VPS35L: variants seen among roughly 807,000 people sequenced by gnomAD.
The protein encoded by VPS35L is VPS35 endosomal protein sorting factor like, also known as VPS35 endosomal protein-sorting factor-like.
In VPS35L, 83 loss-of-function variants were observed where a neutral mutation model predicts 133.0. The observed-to-expected ratio is 0.62, with a 90% confidence interval of 0.52 to 0.75. The LOEUF (loss-of-function observed/expected upper bound fraction) is 0.75. Among genes scored for constraint, VPS35L ranks in the 30% least tolerant of loss-of-function variants. The probability of loss-of-function intolerance (pLI) is 0.00; values close to 1 mark genes in which losing one functional copy is unlikely to be tolerated. For synonymous variants in VPS35L, 423 were observed against 449.9 expected, an observed-to-expected ratio of 0.94 and a Z score of 0.76; for missense variants, 1,083 against 1,206.8, an observed-to-expected ratio of 0.90 and a Z score of 1.52.
chr16:19,668,325 T>C (rs2151604453), intron 26 of VPS35L, among the ~76,000 whole-genome samples: 1 of 152,286 alleles, frequency 6.6e-6, no homozygotes, highest in East Asian at 1.9e-4. Flanking sequence ...ACCTTGAGGC[T>C]TTTTCTCACG....
intron 20 of VPS35L, among the ~76,000 whole-genome samples, chr16:19,638,246 GA>G (rs1326209558): frequency 3.9e-5 from 6 of 152,296 alleles, no homozygotes; most frequent in African/African-American, 1.4e-4. Context: ...AAGATTGTAA[GA>G]TTTTTTATTT....
chr16:19,658,208 G>T (rs1974366341), intron 26 of VPS35L, among the ~76,000 whole-genome samples: 1 of 152,148 alleles, frequency 6.6e-6, no homozygotes, highest in African/African-American at 2.4e-5. Context: ...GCCAAGCATT[G>T]TATGGGCAAC....
chr16:19,576,177 AAAAC>A lies in VPS35L; in HGVS notation c.433+1059_433+1062del, dbSNP rs1482222032. Among the ~76,000 whole-genome samples, 47 of 138,792 alleles carry A rather than the reference AAAAC, an allele frequency of 3.4e-4. 1 individual carries two copies. The highest frequency in any genetic ancestry group is 1.4e-3 in the African/African-American group (46 of 33,894). The allele number at this position is 138,792 out of a possible 152,430, so 91.1% of individuals were successfully genotyped here. ...CGAGACTCTGTCTCAAAAAAAAAAAAAAACAAAAAAAAAAAACAAAGAGGTTACT... is the reference window on the plus strand; with the variant it reads ...CGAGACTCTGTCTCAAAAAAAAAAAAAAAAAAAAAAAACAAAGAGGTTACT... On this transcript the variant is annotated intron_variant, in intron 5 of 30. Transcript: ENST00000417362.
intron 28 of VPS35L, among the ~76,000 whole-genome samples, chr16:19,689,029 C>T (rs940496794): frequency 2.0e-5 from 3 of 150,818 alleles, no homozygotes; most frequent in Non-Finnish European, 2.9e-5. Flanking sequence ...CCCCCTTACC[C>T]GGTGTCTCTT....
intron 14 of VPS35L, 106 bp downstream of exon 14, chr16:19,616,914 A>G: frequency 6.6e-7 from 1 of 1,512,952 alleles, no homozygotes; most frequent in Non-Finnish European, 9.1e-7. Context: ...CAGCTATAGC[A>G]ATGTTAGTGC....
intron 18 of VPS35L, 118 bp downstream of exon 18, chr16:19,629,938 T>TA: frequency 1.1e-6 from 1 of 887,530 alleles, no homozygotes; most frequent in South Asian, 1.6e-5. Context: ...TTGTAATTTA[T>TA]AAAAATTGCA....
At chr16:19,562,813 G>A (rs1380078997) in intron 1 of VPS35L, among the ~76,000 whole-genome samples, 1 of 151,890 alleles carries the variant, frequency 6.6e-6, no homozygotes, top group Non-Finnish European at 1.5e-5. Context: ...GGAGTGCAGT[G>A]GTGCGATTAT....
At chr16:19,559,257 A>C (rs1303646333) in intron 1 of VPS35L, among the ~76,000 whole-genome samples, 9 of 152,236 alleles carry the variant, frequency 5.9e-5, no homozygotes, top group Admixed American at 3.9e-4. Context: ...TTTAGTTAAA[A>C]TGCAGATCTG....
At chr16:19,626,063 T>C (rs1321766817) in intron 14 of VPS35L, 114 bp from the exon 15 acceptor site, 19 of 667,480 alleles carry the variant, frequency 2.8e-5, no homozygotes, top group Non-Finnish European at 4.0e-5. Context: ...GAGAATTATC[T>C]TAATGGACAT....
At chr16:19,589,242 A>AT (rs1971965311) in intron 7 of VPS35L, among the ~76,000 whole-genome samples, 1 of 151,960 alleles carries the variant, frequency 6.6e-6, no homozygotes, top group South Asian at 2.1e-4. Context: ...GGCTATTCAA[A>AT]TTTTTTTAAC....
chr16:19,657,759 G>A (rs1242912155), intron 26 of VPS35L, among the ~76,000 whole-genome samples: 3 of 152,184 alleles, frequency 2.0e-5, no homozygotes, highest in East Asian at 1.9e-4. Context: ...TCCTCTTCCT[G>A]GAGAGTCAAG....
At chr16:19,588,374 A>C (rs1432267889) in intron 7 of VPS35L, among the ~76,000 whole-genome samples, 1 of 148,350 alleles carries the variant, frequency 6.7e-6, no homozygotes, top group African/African-American at 2.5e-5. Flanking sequence ...TTTAGTAGAG[A>C]TGGGGTTTCA....
In VPS35L at chr16:19,650,392, G is replaced by A. The variant is rs749366802; in HGVS notation, c.2039G>A (p.Arg680Gln). The A allele has an allele frequency of 1.4e-5, 22 of 1,611,608 alleles. No homozygotes were observed. Among genetic ancestry groups the A allele is most frequent in the South Asian group, 1.2e-4 (11 of 91,016 alleles). Residue 680 changes from arginine (R) to glutamine (Q), a missense_variant, in exon 25 of 31, where the codon CGG becomes CAG. Transcript: ENST00000417362. Reference sequence around the variant, plus strand: ...TATTAATAAATTCAGAGTGTGAACCGGTTGGCAATGGAGACAAGAAAAGTA... The same window carrying A: ...TATTAATAAATTCAGAGTGTGAACCAGTTGGCAATGGAGACAAGAAAAGTA... Reference protein sequence around the residue: ...VLVQLIHSVNRLAMETRKVMK... With the variant: ...VLVQLIHSVNQLAMETRKVMK...
chr16:19,685,864 AT>A (rs1404567424), intron 28 of VPS35L, among the ~76,000 whole-genome samples: 1 of 152,126 alleles, frequency 6.6e-6, no homozygotes, highest in Admixed American at 6.6e-5. Flanking sequence ...AAGTGAGGCT[AT>A]CACAGGAGCA....
At chr16:19,602,548 C>G (rs1972419019) in intron 9 of VPS35L, among the ~76,000 whole-genome samples, 1 of 151,956 alleles carries the variant, frequency 6.6e-6, no homozygotes, top group African/African-American at 2.4e-5. Flanking sequence ...CCTCTCCCAC[C>G]CTCTCCTTTT....
chr16:19,571,368 C>T (rs1451560603), intron 3 of VPS35L, among the ~76,000 whole-genome samples: 1 of 151,982 alleles, frequency 6.6e-6, no homozygotes, highest in African/African-American at 2.4e-5. Context: ...AGGTGTGTGC[C>T]ACCGCACTCA....
intron 23 of VPS35L, among the ~76,000 whole-genome samples, chr16:19,645,812 C>G (rs1220652005): frequency 6.6e-6 from 1 of 152,198 alleles, no homozygotes; most frequent in Non-Finnish European, 1.5e-5. Flanking sequence ...AAGGTGTGTC[C>G]TGAAGCAGCT....
chr16:19,669,206 A>G lies in VPS35L; in HGVS notation c.2268A>G (p.Pro756=), dbSNP rs944254383. The G allele has an allele frequency of 6.2e-7, 1 of 1,612,740 alleles. No homozygotes were observed. The highest frequency in any genetic ancestry group is 8.5e-7 in the Non-Finnish European group (1 of 1,178,994). The change falls in exon 27 of 31, where the codon CCA becomes CCG. Residue 756 remains proline (P), a synonymous_variant. Transcript: ENST00000417362. Reference sequence around the variant, plus strand: ...CTATAAGCCTTGTTCCGGAAGTTCCAAAGATGATTAATATTGATGGGAAGA... The same window carrying G: ...CTATAAGCCTTGTTCCGGAAGTTCCGAAGATGATTAATATTGATGGGAAGA... The part of the protein sequence containing the change: ...KAAISLVPEV[P]KMINIDGKMR...
chr16:19,664,584 A>T (rs1275164777), intron 26 of VPS35L, among the ~76,000 whole-genome samples: 1 of 151,950 alleles, frequency 6.6e-6, no homozygotes, highest in East Asian at 1.9e-4. Context: ...GCAGAAAAAA[A>T]AAAAAGGTAT....
Sources: allele counts gnomAD v4.1 joint callset (sites outside exome capture counted in the v4.1 genomes callset), GRCh38; gene constraint gnomAD v4.1.1; transcripts MANE v1.5; gene names NCBI Gene and HGNC (gene_info 2026-07-23, HGNC 2026-07-21).